Variants in ACACA observed in about 807,000 individuals in gnomAD.
The protein encoded by ACACA is acetyl-CoA carboxylase alpha.
ACACA carries 103 observed loss-of-function variants against 296.1 expected under a neutral mutation model. The observed-to-expected ratio is 0.35, with a 90% CI of 0.30 to 0.41. The LOEUF (loss-of-function observed/expected upper bound fraction) is 0.41. Ranked by LOEUF, ACACA falls within the 10% of genes least tolerant of loss-of-function variation. The pLI, the probability that ACACA is intolerant of heterozygous loss-of-function variation, is 1.00. For missense variants in ACACA, 1,554 were observed against 2,989.7 expected (o/e 0.52, Z 11.20); for synonymous variants, 953 against 1,038.6 (o/e 0.92, Z 1.58).
chr17:37,166,064 T>C (rs944148956), intron 41 of ACACA, among the ~76,000 whole-genome samples: 6 of 152,226 alleles, frequency 3.9e-5, no homozygotes, highest in African/African-American at 1.4e-4. Flanking sequence ...CCTCTAGTGC[T>C]TCCCAGGAAC....
At chr17:37,141,784 C>G (rs905419117) in intron 45 of ACACA, among the ~76,000 whole-genome samples, 4 of 151,996 alleles carry the variant, frequency 2.6e-5, no homozygotes, top group African/African-American at 9.7e-5. Flanking sequence ...CTCTGCCTCC[C>G]AGGTTCAAGT....
At chr17:37,296,297 G>C (rs1193667306) in intron 3 of ACACA, among the ~76,000 whole-genome samples, 1 of 144,032 alleles carries the variant, frequency 6.9e-6, no homozygotes, top group Non-Finnish European at 1.5e-5. Flanking sequence ...CAGATCTTTG[G>C]AGCCTTTTTT....
chr17:37,245,035 T>G, intron 20 of ACACA, 45 bp downstream of exon 20: 1 of 1,613,922 alleles, frequency 6.2e-7, no homozygotes, highest in African/African-American at 1.3e-5. Flanking sequence ...ACCACCAAGT[T>G]CTTTAGCTCT....
intron 45 of ACACA, chr17:37,144,479 C>CTTTGTTAATGAT: frequency 3.7e-6 from 1 of 269,130 alleles, no homozygotes; most frequent in Non-Finnish European, 7.2e-6. Context: ...TGCTGTGTTT[C>CTTTGTTAATGAT]ACAGAGTCAT....
rs3049528 is a variant in ACACA at position 37,405,855 on chromosome 17, C to CTTT, written c.38+404_38+406dup. On this transcript the variant is annotated intron_variant, in intron 1 of 55. Coordinates refer to ENST00000616317, the MANE Select transcript of ACACA (RefSeq NM_198834.3). ...GCGTGAGCCACCGCGCCCGGCAGGG[C>CTTT]TTTTTTTTTTTTTTTTTTTTGGAAT... Among the ~76,000 whole-genome samples, 314 of 53,534 alleles carry CTTT rather than the reference C, an allele frequency of 5.9e-3. 43 individuals carry two copies. Among genetic ancestry groups the CTTT allele is most frequent in the East Asian group, 0.031 (70 of 2,226 alleles). The allele number at this position is 53,534 out of a possible 152,430, so 35.1% of individuals were successfully genotyped here. A position where few individuals can be genotyped will look rare whatever the true frequency, so the allele number is the denominator to read the frequency against.
At chr17:37,260,546 C>G (rs936772093) in intron 11 of ACACA, among the ~76,000 whole-genome samples, 1 of 150,004 alleles carries the variant, frequency 6.7e-6, no homozygotes, top group Non-Finnish European at 1.5e-5. Flanking sequence ...TCAGGTGATC[C>G]GCCCACCTCA....
At chr17:37,344,692 A>G (rs949716599) in intron 1 of ACACA, among the ~76,000 whole-genome samples, 1 of 152,244 alleles carries the variant, frequency 6.6e-6, no homozygotes, top group African/African-American at 2.4e-5. Flanking sequence ...GCAATAAATG[A>G]CTAGGCAAGC....
At chr17:37,217,720 G>T (rs1184067282) in intron 29 of ACACA, among the ~76,000 whole-genome samples, 1 of 114,342 alleles carries the variant, frequency 8.7e-6, no homozygotes, top group African/African-American at 3.3e-5. Context: ...GGGCGACAGA[G>T]TGAGACTCCA....
At chr17:37,169,865 T>A (rs1234591846) in intron 41 of ACACA, among the ~76,000 whole-genome samples, 2 of 152,090 alleles carry the variant, frequency 1.3e-5, no homozygotes, top group Non-Finnish European at 1.5e-5. Flanking sequence ...TGAAGGAAGA[T>A]GGAAGAGCTA....
At chr17:37,146,281 T>A (rs1326318723) in intron 45 of ACACA, among the ~76,000 whole-genome samples, 1 of 152,094 alleles carries the variant, frequency 6.6e-6, no homozygotes, top group Non-Finnish European at 1.5e-5. Flanking sequence ...GGCGCACACA[T>A]GCAATGTATT....
chr17:37,089,728 T>G (rs1014252020), intron 54 of ACACA, among the ~76,000 whole-genome samples: 1 of 152,170 alleles, frequency 6.6e-6, no homozygotes, highest in Non-Finnish European at 1.5e-5. Flanking sequence ...ACCCTGAAAG[T>G]CTCAACAAAC....
chr17:37,264,735 A>C (rs1037153326), intron 10 of ACACA, among the ~76,000 whole-genome samples: 1 of 152,144 alleles, frequency 6.6e-6, no homozygotes, highest in African/African-American at 2.4e-5. Context: ...CTGAGACTTA[A>C]AGTACATGAT....
At chr17:37,234,885 T>A in intron 25 of ACACA, 90 bp downstream of exon 25, 1 of 1,465,380 alleles carries the variant, frequency 6.8e-7, no homozygotes, top group Non-Finnish European at 9.5e-7. Context: ...AGGCAGTAGT[T>A]TTTTTTCTCT....
chr17:37,215,180 T>C, intron 29 of ACACA, among the ~76,000 whole-genome samples: 1 of 152,094 alleles, frequency 6.6e-6, no homozygotes, highest in Admixed American at 6.6e-5. Context: ...TAAAACATTA[T>C]AACACAGAAG....
At chr17:37,266,985 T>C (rs1292648013) in intron 10 of ACACA, among the ~76,000 whole-genome samples, 1 of 152,218 alleles carries the variant, frequency 6.6e-6, no homozygotes, top group African/African-American at 2.4e-5. Context: ...ATTAACATCC[T>C]CCTCACCAAT....
At position 37,330,231 on chromosome 17, in the gene ACACA, C is replaced by T; in HGVS notation, c.280G>A (p.Asp94Asn). The T allele has an allele frequency of 6.2e-7, 1 of 1,614,196 alleles. No homozygotes were observed. The highest frequency in any genetic ancestry group is 8.5e-7 in the Non-Finnish European group (1 of 1,180,036). ...GAGATCCCCAAATCAGAGAGTGTAT[C>T]TGAGCCAACAGAAGCAGGTGACAAG... ...GSLSPASVGS[D>N]TLSDLGISSL... The change falls in exon 3 of 56, where the codon GAT becomes AAT. Residue 94 changes from aspartate to asparagine, a missense_variant. This residue lies in a region of ACACA where 140 missense variants were observed against 147.7 expected (regional missense o/e 0.95). Transcript: ENST00000616317.
intron 55 of ACACA, 130 bp from the exon 56 acceptor site, chr17:37,087,569 T>G (rs1203019682): frequency 1.8e-6 from 2 of 1,134,106 alleles, no homozygotes; most frequent in East Asian, 2.5e-5. Context: ...CTCACCTTAT[T>G]TGTTTCCCTA....
chr17:37,336,589 C>A (rs772705362), intron 2 of ACACA, among the ~76,000 whole-genome samples: 1 of 152,152 alleles, frequency 6.6e-6, no homozygotes, highest in Non-Finnish European at 1.5e-5. Flanking sequence ...GGGATATAAA[C>A]CCAGGCATTC....
intron 41 of ACACA, among the ~76,000 whole-genome samples, chr17:37,171,000 G>T (rs2076862976): frequency 6.6e-6 from 1 of 152,198 alleles, no homozygotes; most frequent in Non-Finnish European, 1.5e-5. Context: ...AGCAGAAAGA[G>T]AATATCTTTG....
Sources: gnomAD v4.1 joint callset for allele counts (sites outside exome capture counted in the v4.1 genomes callset) on GRCh38, gnomAD v4.1.1 for gene constraint, gnomAD v4.1.1 regional missense constraint, MANE v1.5 for transcripts, NCBI Gene and HGNC (gene_info 2026-07-23, HGNC 2026-07-21) for gene names.